KAZN: variants seen among roughly 807,000 people sequenced by gnomAD.
The protein encoded by KAZN is kazrin.
A neutral mutation model predicts 87.4 loss-of-function variants in KAZN; 40 were observed. The observed-to-expected ratio is 0.46, with a 90% confidence interval of 0.36 to 0.60. The LOEUF (loss-of-function observed/expected upper bound fraction) is 0.60, where lower values mean the gene tolerates loss of function less well. Among genes scored for constraint, KAZN ranks in the 20% least tolerant of loss-of-function variants. The pLI is 0.00. For synonymous variants in KAZN, 466 were observed against 458.3 expected (o/e 1.02, Z -0.22); for missense variants, 898 against 1,073.9 (o/e 0.84, Z 2.29).
chr1:14,286,113 G>T (rs1269480768), intron 2 of KAZN, among the ~76,000 whole-genome samples: 1 of 152,188 alleles, frequency 6.6e-6, no homozygotes, highest in Admixed American at 6.5e-5. Context: ...ACACTGCGTG[G>T]CTTGAACAAC....
intron 1 of KAZN, among the ~76,000 whole-genome samples, chr1:14,661,237 A>G (rs2148715059): frequency 6.6e-6 from 1 of 152,282 alleles, no homozygotes; most frequent in East Asian, 1.9e-4. Flanking sequence ...GAGGCAGTGA[A>G]TAAAGGCTAT....
rs1641681107 is a variant in KAZN at position 15,112,551 on chromosome 1, TC to T, written c.2163+11del. On this transcript the variant is annotated intron_variant, in intron 14 of 14. Transcript: ENST00000376030. ...GTACAAGGCTGGCCGGGTAAGTCTC[TC>T]AATGGATTTACCTGTGAGTCCTGCA... 3.2e-6 allele frequency: 4 copies of T among 1,251,588 alleles called. No individual in the cohort carries two copies. The highest frequency in any genetic ancestry group is 4.4e-6 in the Non-Finnish European group (4 of 903,570). The allele number at this position is 1,251,588 out of a possible 1,614,324, so 77.5% of individuals were successfully genotyped here.
Position 14,299,843 on chromosome 1 carries a change from A to G in KAZN, c.249+119251A>G, listed in dbSNP as rs377395723. Among the ~76,000 whole-genome samples, 47 of 152,352 alleles carry G rather than the reference A, an allele frequency of 3.1e-4. No homozygotes were observed. The South Asian group carries it at 8.5e-3, about 28-fold the overall frequency. On this transcript the variant is annotated intron_variant, in intron 2 of 16. Coordinates refer to the KAZN transcript ENST00000636203. ...CAAAGCAAGTCGCATGGCCAAGCCC[A>G]AAGTCAGCAGAACAGGGAGTGTACA...
At chr1:14,961,307 G>GCT in intron 2 of KAZN, among the ~76,000 whole-genome samples, 1 of 152,336 alleles carries the variant, frequency 6.6e-6, no homozygotes, top group African/African-American at 2.4e-5. Context: ...ACCATGATGG[G>GCT]CTCTCCTGGG....
chr1:14,965,016 A>G (rs1005902647), intron 2 of KAZN, among the ~76,000 whole-genome samples: 4 of 151,766 alleles, frequency 2.6e-5, no homozygotes, highest in African/African-American at 9.7e-5. Flanking sequence ...ATTGTTTAAG[A>G]CATATATATA....
intron 1 of KAZN, among the ~76,000 whole-genome samples, chr1:14,716,006 G>A (rs1332776285): frequency 1.3e-5 from 2 of 152,192 alleles, no homozygotes; most frequent in South Asian, 2.1e-4. Flanking sequence ...AAAAGGAAGT[G>A]ACATTTCCCT....
At chr1:14,802,668 C>T (rs1646077383) in intron 1 of KAZN, among the ~76,000 whole-genome samples, 1 of 152,212 alleles carries the variant, frequency 6.6e-6, no homozygotes, top group African/African-American at 2.4e-5. Context: ...CTTCCCGGCA[C>T]CGCTGTTCAC....
intron 4 of KAZN, among the ~76,000 whole-genome samples, chr1:15,046,536 C>T (rs1301286139): frequency 6.6e-6 from 1 of 152,112 alleles, no homozygotes; most frequent in Non-Finnish European, 1.5e-5. Context: ...GTGGACTGTG[C>T]TTTGTGGGGC....
intron 2 of KAZN, among the ~76,000 whole-genome samples, chr1:14,505,904 G>A (rs1275126886): frequency 6.6e-6 from 1 of 152,072 alleles, no homozygotes; most frequent in Non-Finnish European, 1.5e-5. Flanking sequence ...AACCCGGGAG[G>A]TGGAGGTTGC....
At chr1:14,483,110 G>T (rs1669170774) in intron 2 of KAZN, among the ~76,000 whole-genome samples, 1 of 152,076 alleles carries the variant, frequency 6.6e-6, no homozygotes, top group Admixed American at 6.5e-5. Flanking sequence ...TTCTGATTTT[G>T]CTCCCATCCA....
intron 1 of KAZN, among the ~76,000 whole-genome samples, chr1:14,945,573 C>A (rs1661666246): frequency 6.6e-6 from 1 of 152,244 alleles, no homozygotes; most frequent in Non-Finnish European, 1.5e-5. Context: ...GCTCCCCGGC[C>A]CGGCTCCAGC....
intron 2 of KAZN, among the ~76,000 whole-genome samples, chr1:14,529,370 T>C (rs1672090062): frequency 6.6e-6 from 1 of 152,214 alleles, no homozygotes; most frequent in South Asian, 2.1e-4. Context: ...AATGGAAGCA[T>C]CATGTGTCTC....
intron 1 of KAZN, among the ~76,000 whole-genome samples, chr1:14,605,897 G>A (rs1321935531): frequency 6.6e-6 from 1 of 152,316 alleles, no homozygotes; most frequent in Non-Finnish European, 1.5e-5. Flanking sequence ...GATAGTAGCA[G>A]ACTTCAGCAT....
At chr1:14,603,545 C>CAA (rs1677137062) in intron 1 of KAZN, among the ~76,000 whole-genome samples, 2 of 152,164 alleles carry the variant, frequency 1.3e-5, no homozygotes, top group Admixed American at 6.5e-5. Context: ...AAAATGCCTT[C>CAA]AAAGGACCTC....
Position 14,863,827 on chromosome 1 carries a change from C to T in KAZN, c.227-96857C>T, listed in dbSNP as rs1244633518. Among the ~76,000 whole-genome samples, 18 of 152,114 alleles carry T rather than the reference C, an allele frequency of 1.2e-4. 1 individual carries two copies. Among genetic ancestry groups the T allele is most frequent in the Admixed American group, 1.1e-3 (17 of 15,270 alleles). ...ATGAGTCGGAGTAGGGGCACAGAGG[C>T]ATTTCAGGCAGATGGGACTGAGCAG... On this transcript the variant is annotated intron_variant, in intron 1 of 14. Coordinates refer to ENST00000376030, the MANE Select transcript of KAZN (RefSeq NM_201628.3).
Position 14,173,508 on chromosome 1 carries a change from C to A in KAZN, c.92-6927C>A, listed in dbSNP as rs114255907. On this transcript the variant is annotated intron_variant, in intron 1 of 16. Coordinates refer to the KAZN transcript ENST00000636203. ...CACAGTCCTACCAGTCTACCAATCC[C>A]AATTGAAAAAGAGGCCACACAGCCA... is the stretch of plus-strand genomic sequence containing the variant. Among the ~76,000 whole-genome samples the A allele has an allele frequency of 4.5e-3, 687 of 152,234 alleles. 5 individuals are homozygous for A. Among genetic ancestry groups the A allele is most frequent in the African/African-American group, 0.015 (631 of 41,548 alleles).
At chr1:14,130,342 C>T (rs1363714764) in intron 1 of KAZN, among the ~76,000 whole-genome samples, 1 of 152,194 alleles carries the variant, frequency 6.6e-6, no homozygotes, top group Non-Finnish European at 1.5e-5. Context: ...CAGGCAGCTC[C>T]TTCTGTATGC....
At chr1:15,086,073 C>T (rs1455358288) in intron 8 of KAZN, among the ~76,000 whole-genome samples, 4 of 152,078 alleles carry the variant, frequency 2.6e-5, no homozygotes, top group Non-Finnish European at 5.9e-5. Flanking sequence ...TGGGTTCAAG[C>T]GATTCTCCTG....
In KAZN at chr1:14,121,399, C is replaced by T. The variant is rs182205857; in HGVS notation, c.92-59036C>T. ...GAATTACTTCAATAGGGCAGTGGGGCGGCGGGGGTGTGTTCATTTTACAGA... is the reference window on the plus strand; with the variant it reads ...GAATTACTTCAATAGGGCAGTGGGGTGGCGGGGGTGTGTTCATTTTACAGA... On this transcript the variant is annotated intron_variant, in intron 1 of 16. Coordinates refer to the KAZN transcript ENST00000636203. Among the ~76,000 whole-genome samples the T allele has an allele frequency of 5.2e-3, 790 of 152,138 alleles. 4 individuals are homozygous for T. The highest frequency in any genetic ancestry group is 0.018 in the African/African-American group (737 of 41,488).
Sources: gnomAD v4.1 joint callset for allele counts (sites outside exome capture counted in the v4.1 genomes callset) on GRCh38, gnomAD v4.1.1 for gene constraint, MANE v1.5 for transcripts, NCBI Gene and HGNC (gene_info 2026-07-23, HGNC 2026-07-21) for gene names.